Variants in HDAC9 observed in about 807,000 individuals in gnomAD.
HDAC9 encodes the protein histone deacetylase 9.
HDAC9 carries 41 observed loss-of-function variants against 139.4 expected under a neutral mutation model. The ratio of observed to expected loss-of-function variants is 0.29; its 90% CI spans 0.23 to 0.38. The LOEUF (loss-of-function observed/expected upper bound fraction) is 0.38. Ranked by LOEUF, HDAC9 falls within the 10% of genes least tolerant of loss-of-function variation. The pLI, the probability that HDAC9 is intolerant of heterozygous loss-of-function variation, is 1.00. For synonymous variants in HDAC9, 517 were observed against 476.2 expected (o/e 1.09, Z -1.12); for missense variants, 1,147 against 1,297.0 (o/e 0.88, Z 1.78).
Position 18,634,634 on chromosome 7 carries a change from A to G in HDAC9, c.804A>G (p.Ser268=). Residue 268 remains serine, a synonymous_variant, in exon 8 of 26, where the codon TCA becomes TCG. Coordinates refer to ENST00000686413, the MANE Select transcript of HDAC9 (RefSeq NM_178425.4). ...CTTCACAATATTTTTCAGAATCCTC[A>G]GTCAGTAGCAGTTCTCCAGGCTCTG... The part of the protein sequence containing the change: ...KKRMFEVTES[S]VSSSSPGSGP... 6.4e-7 allele frequency: 1 copy of G among 1,573,028 alleles called. No homozygotes were observed. Among genetic ancestry groups the G allele is most frequent in the Non-Finnish European group, 8.7e-7 (1 of 1,155,532 alleles).
intron 21 of HDAC9, among the ~76,000 whole-genome samples, chr7:18,838,184 A>C (rs113476232): frequency 0.013 from 1,960 of 152,164 alleles, 16 homozygotes; most frequent in African/African-American, 0.018. Context: ...ATCATTGAAC[A>C]CATATTATAT....
chr7:18,173,466 T>C (rs1460829479), intron 2 of HDAC9, among the ~76,000 whole-genome samples: 1 of 152,186 alleles, frequency 6.6e-6, no homozygotes, highest in Non-Finnish European at 1.5e-5. Context: ...AAGGTTAATA[T>C]TGTTATGTGT....
chr7:18,528,412 T>A (rs887338194), intron 2 of HDAC9, among the ~76,000 whole-genome samples: 2 of 152,084 alleles, frequency 1.3e-5, no homozygotes, highest in African/African-American at 4.8e-5. Flanking sequence ...AATGATATAT[T>A]TATAAGCCCA....
At chr7:18,168,538 C>T (rs1262260790) in intron 2 of HDAC9, among the ~76,000 whole-genome samples, 1 of 152,004 alleles carries the variant, frequency 6.6e-6, no homozygotes. Context: ...TTGGAGTTTA[C>T]TCTTCAGAGT....
At chr7:18,866,053 G>C (rs1563003247) in intron 21 of HDAC9, among the ~76,000 whole-genome samples, 1 of 148,780 alleles carries the variant, frequency 6.7e-6, no homozygotes, top group African/African-American at 2.5e-5. Flanking sequence ...TTCCACTCTT[G>C]TTCAGAATGA....
At chr7:18,383,212 C>T (rs1358204554) in intron 1 of HDAC9, among the ~76,000 whole-genome samples, 1 of 152,144 alleles carries the variant, frequency 6.6e-6, no homozygotes, top group Non-Finnish European at 1.5e-5. Flanking sequence ...CATAAAGCTG[C>T]AATAGAAATG....
intron 1 of HDAC9, chr7:18,327,338 C>T (rs143220629): frequency 5.3e-5 from 8 of 151,648 alleles, no homozygotes; most frequent in African/African-American, 1.4e-4. Context: ...ATATAATGGC[C>T]AGAAGATGTA....
chr7:18,601,089 T>C (rs1833817194), intron 6 of HDAC9, among the ~76,000 whole-genome samples: 1 of 152,248 alleles, frequency 6.6e-6, no homozygotes, highest in African/African-American at 2.4e-5. Context: ...TGAACAATAC[T>C]GAGTTTTTCT....
Position 18,710,164 on chromosome 7 carries a change from A to G in HDAC9, c.1732-17416A>G, listed in dbSNP as rs142163973. Among the ~76,000 whole-genome samples, 535 of 152,266 alleles carry G rather than the reference A, an allele frequency of 3.5e-3. 7 individuals carry two copies. Among genetic ancestry groups the G allele is most frequent in the African/African-American group, 0.012 (512 of 41,540 alleles). ...TCAGATCTCATGAGACTTATTCACT[A>G]TCATGAGAACAGCATGGAAGAAACC... is the stretch of plus-strand genomic sequence containing the variant. On this transcript the variant is annotated intron_variant, in intron 12 of 25. Coordinates refer to ENST00000686413, the MANE Select transcript of HDAC9 (RefSeq NM_178425.4).
At position 18,762,238 on chromosome 7, in the gene HDAC9, C is replaced by A. The variant is rs746494474; in HGVS notation, c.2125C>A (p.Pro709Thr). ...TCACTCACTGTTGTATGGCACCAAC[C>A]CCCTGGACGGACAGAAGCTGGACCC... ...EHHSLLYGTN[P>T]LDGQKLDPRI... The change falls in exon 15 of 26, where the codon CCC (proline) becomes ACC (threonine). Residue 709 changes from proline (P) to threonine (T), a missense_variant. Transcript: ENST00000686413. 1 of 1,613,584 alleles carries A rather than the reference C, an allele frequency of 6.2e-7. No homozygotes were observed. The highest frequency in any genetic ancestry group is 8.5e-7 in the Non-Finnish European group (1 of 1,179,682).
At chr7:18,904,470 T>C (rs567128966) in intron 22 of HDAC9, among the ~76,000 whole-genome samples, 1 of 152,118 alleles carries the variant, frequency 6.6e-6, no homozygotes, top group African/African-American at 2.4e-5. Context: ...TTATAAAACA[T>C]TTAGATCCAT....
At chr7:18,786,515 A>C (rs1585035167) in intron 16 of HDAC9, among the ~76,000 whole-genome samples, 1 of 88,138 alleles carries the variant, frequency 1.1e-5, no homozygotes, top group Non-Finnish European at 2.0e-5. Context: ...CCTCTCTCTC[A>C]TGTACTTTTT....
At chr7:18,653,257 A>C (rs1450077289) in intron 11 of HDAC9, among the ~76,000 whole-genome samples, 1 of 151,354 alleles carries the variant, frequency 6.6e-6, no homozygotes, top group Non-Finnish European at 1.5e-5. Context: ...AAAAAAAAAA[A>C]CCAGTAATAC....
chr7:18,984,461 A>G (rs555931790), intron 25 of HDAC9, among the ~76,000 whole-genome samples: 18 of 152,234 alleles, frequency 1.2e-4, no homozygotes, highest in African/African-American at 4.3e-4. Flanking sequence ...TCACAGAGAG[A>G]GAGAGAGATA....
chr7:18,145,577 A>G (rs1786253663), intron 1 of HDAC9, among the ~76,000 whole-genome samples: 1 of 152,240 alleles, frequency 6.6e-6, no homozygotes, highest in Non-Finnish European at 1.5e-5. Context: ...ATAGCATTCA[A>G]ATAATTGAAT....
At chr7:18,189,002 C>A (rs939078860) in intron 2 of HDAC9, among the ~76,000 whole-genome samples, 1 of 152,006 alleles carries the variant, frequency 6.6e-6, no homozygotes, top group South Asian at 2.1e-4. Context: ...GGTATATGCC[C>A]AAAGGAATAT....
At position 18,656,931 on chromosome 7, in the gene HDAC9, C is replaced by T. The variant is rs1035688621; in HGVS notation, c.1467+8248C>T. On this transcript the variant is annotated intron_variant, in intron 11 of 25. Coordinates refer to ENST00000686413, the MANE Select transcript of HDAC9 (RefSeq NM_178425.4). The stretch of plus-strand genomic sequence containing the variant: ...GCGTACGACGGTTCCCCTTTCTCCA[C>T]GTGCTCACCTGCATTCATTACGGGT... 7.2e-5 allele frequency among the ~76,000 whole-genome samples: 11 copies of T among 151,904 alleles called. No homozygotes were observed. In the East Asian group the frequency reaches 1.4e-3, roughly 19 times the overall value.
chr7:18,700,136 C>T (rs1783355432), intron 12 of HDAC9, among the ~76,000 whole-genome samples: 1 of 152,106 alleles, frequency 6.6e-6, no homozygotes, highest in African/African-American at 2.4e-5. Context: ...AAATGTCTCC[C>T]TTTTGGAGAG....
intron 1 of HDAC9, among the ~76,000 whole-genome samples, chr7:18,102,664 GC>G (rs1782926370): frequency 6.6e-6 from 1 of 152,166 alleles, no homozygotes; most frequent in African/African-American, 2.4e-5. Context: ...CAGACATAAA[GC>G]ACCTAAGTTT....
Sources: gnomAD v4.1 joint callset for allele counts (sites outside exome capture counted in the v4.1 genomes callset) on GRCh38, gnomAD v4.1.1 for gene constraint, MANE v1.5 for transcripts, NCBI Gene and HGNC (gene_info 2026-07-23, HGNC 2026-07-21) for gene names.